Variants in TG observed in about 807,000 individuals in gnomAD.
TG encodes the protein thyroid hormones.
A neutral mutation model predicts 324.7 loss-of-function variants in TG; 270 were observed. The ratio of observed to expected loss-of-function variants is 0.83; its 90% CI spans 0.75 to 0.92. The LOEUF (loss-of-function observed/expected upper bound fraction) is 0.92. Ranked by LOEUF, TG falls within the 40% of genes least tolerant of loss-of-function variation. The probability of loss-of-function intolerance (pLI) is 0.00; values close to 1 mark genes in which losing one functional copy is unlikely to be tolerated. For missense variants in TG, 3,591 were observed against 3,456.4 expected (o/e 1.04, Z -0.98); for synonymous variants, 1,401 against 1,327.0 (o/e 1.06, Z -1.21).
In TG at chr8:132,963,011, C is replaced by T. The variant is rs148982115; in HGVS notation, c.5485C>T (p.Arg1829Trp). The change falls in exon 29 of 48, where the codon CGG (arginine) becomes TGG (tryptophan). Residue 1829 changes from arginine (R) to tryptophan (W), a missense_variant. Physicochemically the swap from Arg to Trp is moderately radical, Grantham distance 101. Transcript: ENST00000220616. ...YLWKDSDMGS[R>W]PESMGCRKDT... Reference sequence around the variant, plus strand: ...CCTCCTAGATTCTGACATGGGGTCTCGGCCTGAGTCTATGGGATGTAGAAA... The same window carrying T: ...CCTCCTAGATTCTGACATGGGGTCTTGGCCTGAGTCTATGGGATGTAGAAA... 2.0e-4 allele frequency: 325 copies of T among 1,613,836 alleles called. No homozygotes were observed. Among genetic ancestry groups the T allele is most frequent in the Middle Eastern group, 8.2e-4 (5 of 6,080 alleles).
chr8:132,867,935 G>C (rs1410928449), intron 1 of TG, among the ~76,000 whole-genome samples, 180 bp from the exon 2 acceptor site: 1 of 152,120 alleles, frequency 6.6e-6, no homozygotes, highest in Non-Finnish European at 1.5e-5. Context: ...GGAGAATGTT[G>C]CACATTAAAT....
At chr8:132,923,828 T>C (rs2132482725) in intron 22 of TG, among the ~76,000 whole-genome samples, 1 of 152,220 alleles carries the variant, frequency 6.6e-6, no homozygotes, top group South Asian at 2.1e-4. Flanking sequence ...GAGGCCTCCA[T>C]TCTTCTAGGC....
intron 12 of TG, 42 bp downstream of exon 12, chr8:132,897,828 C>CT: frequency 6.2e-7 from 1 of 1,612,402 alleles, no homozygotes; most frequent in Non-Finnish European, 8.5e-7. Flanking sequence ...AGTGACACCC[C>CT]TTTTTTATTT....
At chr8:133,031,113 A>G (rs1352444140) in intron 41 of TG, among the ~76,000 whole-genome samples, 1 of 152,202 alleles carries the variant, frequency 6.6e-6, no homozygotes, top group East Asian at 1.9e-4. Flanking sequence ...ATCCTTTAAC[A>G]ACCCCCATCT....
chr8:132,882,718 A>T, intron 7 of TG, 96 bp from the exon 8 acceptor site: 3 of 1,611,866 alleles, frequency 1.9e-6, no homozygotes, highest in Non-Finnish European at 1.7e-6. Flanking sequence ...GTGAGGGCAG[A>T]GATGAAAAGA....
chr8:132,916,968 TCTTTC>T (rs1820375956), intron 20 of TG, among the ~76,000 whole-genome samples: 1 of 151,514 alleles, frequency 6.6e-6, no homozygotes, highest in Non-Finnish European at 1.5e-5. Context: ...CTTCCTTACT[TCTTTC>T]CTTCCTTCCT....
At chr8:132,967,205 A>ACCATCCATCCAT (rs370535189) in intron 30 of TG, among the ~76,000 whole-genome samples, 1 of 101,166 alleles carries the variant, frequency 9.9e-6, no homozygotes, top group Non-Finnish European at 2.1e-5. Context: ...ATCCCATCCA[A>ACCATCCATCCAT]CCATCCATCC....
rs780145346 is a variant in TG, at chr8:132,967,783, C to T, written c.5687-11C>T. On this transcript the variant is annotated splice_polypyrimidine_tract_variant and intron_variant, in intron 30 of 47. Coordinates refer to ENST00000220616, the MANE Select transcript of TG (RefSeq NM_003235.5). ...ACAAAAACTAAAATCACACTACTCT[C>T]TTGCCTGTAGGTTGTGTGCAGGAGC... The T allele has an allele frequency of 1.9e-6, 3 of 1,613,526 alleles. No homozygotes were observed. Among genetic ancestry groups the T allele is most frequent in the Admixed American group, 1.7e-5 (1 of 59,984 alleles).
chr8:133,127,803 C>T (rs564050961), intron 45 of TG, among the ~76,000 whole-genome samples: 2 of 152,252 alleles, frequency 1.3e-5, no homozygotes, highest in East Asian at 3.9e-4. Context: ...CCCCACCTGC[C>T]CTGGCTCTCC....
chr8:133,017,724 C>T (rs1483664002), intron 37 of TG, 54 bp from the exon 38 acceptor site: 6 of 1,496,766 alleles, frequency 4.0e-6, no homozygotes, highest in Admixed American at 1.7e-5. Flanking sequence ...GTGGAGAGAG[C>T]ACTCACTGAG....
intron 14 of TG, among the ~76,000 whole-genome samples, 163 bp from the exon 15 acceptor site, chr8:132,900,074 G>A (rs534544910): frequency 1.3e-5 from 2 of 152,318 alleles, no homozygotes; most frequent in South Asian, 4.1e-4. Flanking sequence ...TGCACGTAAA[G>A]GGCTGGGAAC....
At chr8:132,976,364 A>G (rs1488157492) in intron 34 of TG, among the ~76,000 whole-genome samples, 3 of 152,232 alleles carry the variant, frequency 2.0e-5, no homozygotes, top group Non-Finnish European at 4.4e-5. Context: ...GCCATTTTAT[A>G]ATGGCATTAG....
intron 41 of TG, among the ~76,000 whole-genome samples, chr8:133,031,224 C>T (rs1345151664): frequency 6.6e-6 from 1 of 152,150 alleles, no homozygotes; most frequent in Non-Finnish European, 1.5e-5. Context: ...TAAGATTTGT[C>T]CTAATGTGTC....
intron 41 of TG, among the ~76,000 whole-genome samples, chr8:133,058,866 T>C (rs1490176340): frequency 6.6e-6 from 1 of 152,070 alleles, no homozygotes; most frequent in Non-Finnish European, 1.5e-5. Context: ...AGAAGGAGAG[T>C]TACTTCACTA....
chr8:133,116,612 C>T lies in TG; in HGVS notation c.7758C>T (p.Asp2586=). The change falls in exon 45 of 48, where the codon GAC becomes GAT. Residue 2586 remains aspartate (D), a synonymous_variant. Coordinates refer to ENST00000220616, the MANE Select transcript of TG (RefSeq NM_003235.5). ...CCCCATGTTCTCTTTTCACCAGGGA[C>T]TACTTTATCATCTGCCCTATAATCG... ...FSRALENATR[D]YFIICPIIDM... 6.2e-7 allele frequency: 1 copy of T among 1,613,850 alleles called. No homozygotes were observed. The highest frequency in any genetic ancestry group is 8.5e-7 in the Non-Finnish European group (1 of 1,179,706).
intron 8 of TG, among the ~76,000 whole-genome samples, chr8:132,885,458 C>T (rs957496561): frequency 2.0e-5 from 3 of 151,388 alleles, no homozygotes; most frequent in Non-Finnish European, 1.5e-5. Flanking sequence ...ATATATATTA[C>T]AATATAGGAA....
chr8:132,998,475 A>C (rs1013327892), intron 35 of TG, among the ~76,000 whole-genome samples: 16 of 152,356 alleles, frequency 1.1e-4, no homozygotes, highest in Non-Finnish European at 2.2e-4. Flanking sequence ...CATGCTCAGC[A>C]GACTGAGACA....
chr8:133,083,304 A>G (rs754831514), intron 41 of TG, among the ~76,000 whole-genome samples: 7 of 152,216 alleles, frequency 4.6e-5, no homozygotes, highest in Non-Finnish European at 8.8e-5. Flanking sequence ...TCTTTGAAAT[A>G]TCAATTGATT....
chr8:133,122,521 C>T (rs1350426053), intron 45 of TG, among the ~76,000 whole-genome samples: 5 of 152,190 alleles, frequency 3.3e-5, no homozygotes, highest in Non-Finnish European at 7.3e-5. Flanking sequence ...CCAACGTTAT[C>T]CTAAACCCTA....
Sources: gnomAD v4.1 joint callset for allele counts (sites outside exome capture counted in the v4.1 genomes callset) on GRCh38, gnomAD v4.1.1 for gene constraint, MANE v1.5 for transcripts, NCBI Gene and HGNC (gene_info 2026-07-23, HGNC 2026-07-21) for gene names.